SRD5A2: variants seen among roughly 807,000 people sequenced by gnomAD.
SRD5A2 encodes the protein steroid 5 alpha-reductase 2, also known as 3-oxo-5-alpha-steroid 4-dehydrogenase 2.
In SRD5A2, 30 loss-of-function variants were observed where a neutral mutation model predicts 27.4. The observed-to-expected ratio is 1.10, with a 90% CI of 0.82 to 1.49. The LOEUF is 1.49. SRD5A2 is among the 40% of genes most tolerant of loss of function. The pLI, the probability that SRD5A2 is intolerant of heterozygous loss-of-function variation, is 0.00. For synonymous variants in SRD5A2, 141 were observed against 133.6 expected (o/e 1.06, Z -0.38); for missense variants, 348 against 323.4 (o/e 1.08, Z -0.58).
the SRD5A2 span, among the ~76,000 whole-genome samples, chr2:31,590,685 C>T: frequency 6.6e-6 from 1 of 152,184 alleles, no homozygotes; most frequent in Non-Finnish European, 1.5e-5. Context: ...AACTATACTA[C>T]AAGGCTACAG....
chr2:31,623,902 CATTG>C, the SRD5A2 span, among the ~76,000 whole-genome samples: 4 of 151,976 alleles, frequency 2.6e-5, no homozygotes, highest in African/African-American at 9.7e-5. Context: ...TGATAAATAA[CATTG>C]ATTAATTTGC....
chr2:31,577,191 A>C (rs1572657825), intron 1 of SRD5A2, among the ~76,000 whole-genome samples: 1 of 126,928 alleles, frequency 7.9e-6, no homozygotes, highest in Non-Finnish European at 1.6e-5. Flanking sequence ...AAGAGGTGAG[A>C]TAACTCTTGA....
At chr2:31,537,351 G>A (rs1299775070) in intron 1 of SRD5A2, among the ~76,000 whole-genome samples, 1 of 151,838 alleles carries the variant, frequency 6.6e-6, no homozygotes, top group Non-Finnish European at 1.5e-5. Context: ...CACCATCTCT[G>A]TCTTCTCCTC....
intron 2 of SRD5A2, 91 bp downstream of exon 2, chr2:31,533,512 G>T: frequency 8.5e-7 from 1 of 1,181,518 alleles, no homozygotes; most frequent in Non-Finnish European, 1.2e-6. Flanking sequence ...ATCATTACGA[G>T]GTCATTGCAG....
intron 1 of SRD5A2, among the ~76,000 whole-genome samples, chr2:31,567,491 T>G (rs1666757421): frequency 6.7e-6 from 1 of 149,746 alleles, no homozygotes; most frequent in South Asian, 2.1e-4. Flanking sequence ...TGCAGTTTGG[T>G]AGATATATTT....
the SRD5A2 span, among the ~76,000 whole-genome samples, chr2:31,607,994 A>G: frequency 6.6e-6 from 1 of 151,920 alleles, no homozygotes; most frequent in Non-Finnish European, 1.5e-5. Context: ...CTACAGAAAG[A>G]TAGGCCCTCA....
chr2:31,578,220 G>GA (rs755299336), intron 1 of SRD5A2, among the ~76,000 whole-genome samples: 7 of 151,662 alleles, frequency 4.6e-5, no homozygotes, highest in African/African-American at 9.7e-5. Context: ...TTTTCATTAG[G>GA]AAAAAATGTT....
chr2:31,560,944 T>C (rs1240334736), intron 1 of SRD5A2, among the ~76,000 whole-genome samples: 1 of 152,138 alleles, frequency 6.6e-6, no homozygotes, highest in Non-Finnish European at 1.5e-5. Flanking sequence ...ACTCATCTAG[T>C]TTTTTGGATG....
the SRD5A2 span, among the ~76,000 whole-genome samples, chr2:31,592,900 G>C: frequency 6.6e-6 from 1 of 152,190 alleles, no homozygotes; most frequent in Non-Finnish European, 1.5e-5. Flanking sequence ...GGAGGCACCA[G>C]AGAAAAGTGA....
the SRD5A2 span, among the ~76,000 whole-genome samples, chr2:31,641,007 G>A: frequency 6.6e-6 from 1 of 152,106 alleles, no homozygotes; most frequent in African/African-American, 2.4e-5. Context: ...GAAGGGTAAT[G>A]CAAATGTAAA....
At chr2:31,529,018 C>G (rs919804332) in intron 4 of SRD5A2, among the ~76,000 whole-genome samples, 3 of 152,218 alleles carry the variant, frequency 2.0e-5, no homozygotes, top group Non-Finnish European at 4.4e-5. Flanking sequence ...GGACAGCCTT[C>G]TTCAACAAGA....
chr2:31,569,986 C>T (rs1666819177), intron 1 of SRD5A2, among the ~76,000 whole-genome samples: 1 of 152,202 alleles, frequency 6.6e-6, no homozygotes, highest in Non-Finnish European at 1.5e-5. Flanking sequence ...TTAAACTACT[C>T]CAAAAAATTG....
chr2:31,632,545 C>T, the SRD5A2 span, among the ~76,000 whole-genome samples: 5 of 152,182 alleles, frequency 3.3e-5, no homozygotes, highest in African/African-American at 4.8e-5. Context: ...CCATCACCCT[C>T]ACAGAGCCCT....
At chr2:31,657,676 A>C in the SRD5A2 span, among the ~76,000 whole-genome samples, 1 of 152,218 alleles carries the variant, frequency 6.6e-6, no homozygotes, top group African/African-American at 2.4e-5. Context: ...TTAAGGAAAA[A>C]ATTAGTGATA....
intron 1 of SRD5A2, among the ~76,000 whole-genome samples, chr2:31,564,580 T>C (rs1253041935): frequency 6.6e-6 from 1 of 151,908 alleles, no homozygotes; most frequent in African/African-American, 2.4e-5. Flanking sequence ...GAAATATAAA[T>C]ACACCAAGGA....
At chr2:31,593,015 A>C in the SRD5A2 span, among the ~76,000 whole-genome samples, 1 of 152,196 alleles carries the variant, frequency 6.6e-6, no homozygotes, top group African/African-American at 2.4e-5. Context: ...CAAGGACAAA[A>C]AACCAAACAC....
At chr2:31,602,276 G>C in the SRD5A2 span, among the ~76,000 whole-genome samples, 1 of 151,764 alleles carries the variant, frequency 6.6e-6, no homozygotes, top group African/African-American at 2.4e-5. Flanking sequence ...CAACAGGCAA[G>C]CAGAGAGTCA....
At chr2:31,650,658 T>G in the SRD5A2 span, among the ~76,000 whole-genome samples, 1 of 152,226 alleles carries the variant, frequency 6.6e-6, no homozygotes, top group East Asian at 1.9e-4. Context: ...ACATGTTACA[T>G]GCTCTAGTTT....
chr2:31,599,829 AT>A, the SRD5A2 span, among the ~76,000 whole-genome samples: 2,430 of 151,904 alleles, frequency 0.016, 33 homozygotes, highest in South Asian at 0.028. Context: ...AATGTAAAAG[AT>A]TTTTTTCTTT....
Sources: gnomAD v4.1 joint callset for allele counts (sites outside exome capture counted in the v4.1 genomes callset) on GRCh38, gnomAD v4.1.1 for gene constraint, MANE v1.5 for transcripts, NCBI Gene and HGNC (gene_info 2026-07-23, HGNC 2026-07-21) for gene names.